DUSP15: variants seen among roughly 807,000 people sequenced by gnomAD.
DUSP15 encodes dual specificity phosphatase 15.
In DUSP15, 23 loss-of-function variants were observed where a neutral mutation model predicts 26.3. The ratio of observed to expected loss-of-function variants is 0.87; its 90% CI spans 0.63 to 1.24. The LOEUF is 1.24. Ranked by LOEUF, DUSP15 falls within the 50% of genes most tolerant of loss-of-function variation. The pLI is 0.00. For missense variants in DUSP15, 364 were observed against 320.6 expected (o/e 1.14, Z -1.03); for synonymous variants, 143 against 135.5 (o/e 1.06, Z -0.39).
At chr20:31,856,393 G>A (rs1272547031), downstream of DUSP15, among the ~76,000 whole-genome samples, 3 of 151,916 alleles carry the variant, frequency 2.0e-5, no homozygotes, top group Non-Finnish European at 4.4e-5. Flanking sequence ...GGGGAGGGTC[G>A]AGGCTAGATT....
chr20:31,849,508 C>A, intron 8 of DUSP15: 2 of 768,650 alleles, frequency 2.6e-6, no homozygotes, highest in South Asian at 1.4e-5. Context: ...GTTCCCACGC[C>A]ACTCTGTTCC....
chr20:31,849,454 C>A, intron 8 of DUSP15: 1 of 611,636 alleles, frequency 1.6e-6, no homozygotes, highest in South Asian at 1.7e-5. Flanking sequence ...TGTGCCCACT[C>A]TCCTCTGTTC....
chr20:31,857,140 G>A (rs1272530727), downstream of DUSP15, among the ~76,000 whole-genome samples: 1 of 152,030 alleles, frequency 6.6e-6, no homozygotes, highest in East Asian at 1.9e-4. Context: ...TGTGGAAGGA[G>A]GGGGAGGCCA....
chr20:31,869,495 A>G (rs368333665), intron 2 of DUSP15, 69 bp downstream of exon 2: 1 of 1,570,718 alleles, frequency 6.4e-7, no homozygotes, highest in Non-Finnish European at 8.7e-7. Flanking sequence ...GGGCCAGGGC[A>G]TGAATGGTGG....
chr20:31,854,995 C>T (rs983108063), intron 6 of DUSP15, among the ~76,000 whole-genome samples: 1 of 152,120 alleles, frequency 6.6e-6, no homozygotes, highest in Non-Finnish European at 1.5e-5. Context: ...ACACTGAACT[C>T]GCAACCAACA....
rs540649624 is a variant in DUSP15 at position 31,863,822 on chromosome 20, A to C, written c.263+85T>G. 5.8e-6 allele frequency: 8 copies of C among 1,388,282 alleles called. No individual in the cohort carries two copies. In the East Asian group the frequency reaches 1.4e-4, roughly 24 times the overall value. 86.0% of individuals were successfully genotyped at this position (1,388,282 alleles called of 1,614,324 possible). ...CTGGAGAAGATCCCTCACAGGTCCAACCTTCCCACAGGGGGAGTGTGTGTT... is the reference window on the plus strand; with the variant it reads ...CTGGAGAAGATCCCTCACAGGTCCACCCTTCCCACAGGGGGAGTGTGTGTT... On this transcript the variant is annotated intron_variant, in intron 5 of 6. Coordinates refer to ENST00000339738, the MANE Select transcript of DUSP15 (RefSeq NM_080611.5).
At chr20:31,855,695 C>T (rs2062549703) in intron 6 of DUSP15, among the ~76,000 whole-genome samples, 1 of 152,162 alleles carries the variant, frequency 6.6e-6, no homozygotes, top group Admixed American at 6.5e-5. Flanking sequence ...GCCATGCAAC[C>T]ACCCATTCAA....
rs552989314 is a variant in DUSP15, at chr20:31,865,602, T to C, written c.139-600A>G. ...CTTTTCTCGAGAAACTGTCTTAACA[T>C]TTTTATATTCAAATGGCTCTTTTCA... On this transcript the variant is annotated intron_variant, in intron 3 of 6. Coordinates refer to ENST00000339738, the MANE Select transcript of DUSP15 (RefSeq NM_080611.5). Among the ~76,000 whole-genome samples the C allele has an allele frequency of 3.9e-5, 6 of 152,320 alleles. No homozygotes were observed. In the South Asian group the frequency reaches 1.2e-3, roughly 32 times the overall value.
downstream of DUSP15, chr20:31,845,649 C>G (rs1568645581): frequency 7.2e-7 from 1 of 1,383,822 alleles, no homozygotes. Flanking sequence ...ACTGGCCCAG[C>G]CTCCCAGCCT....
chr20:31,862,806 C>T, intron 5 of DUSP15, 64 bp from the exon 6 acceptor site: 1 of 1,475,172 alleles, frequency 6.8e-7, no homozygotes, highest in Non-Finnish European at 9.1e-7. Context: ...CCCCCAGGCA[C>T]CCCACCCTGC....
intron 6 of DUSP15, among the ~76,000 whole-genome samples, chr20:31,852,728 T>C (rs923843640): frequency 6.6e-6 from 1 of 152,140 alleles, no homozygotes. Flanking sequence ...GGAGAATCGC[T>C]TGAACCTGGG....
At chr20:31,858,390 G>A (rs1378314331), downstream of DUSP15, among the ~76,000 whole-genome samples, 1 of 152,216 alleles carries the variant, frequency 6.6e-6, no homozygotes, top group Non-Finnish European at 1.5e-5. The surrounding 1 kb of genome is among the most constrained non-coding windows in gnomAD (Gnocchi z 4.4). Context: ...GGCTTGCAGT[G>A]GCTCAACCCA....
At position 31,861,568 on chromosome 20, in the gene DUSP15, G is replaced by A. The variant is rs1050849171; in HGVS notation, c.543C>T (p.Thr181=). 2 of 1,500,732 alleles carry A rather than the reference G, an allele frequency of 1.3e-6. No homozygotes were observed. Among genetic ancestry groups the A allele is most frequent in the Non-Finnish European group, 1.8e-6 (2 of 1,133,182 alleles). The allele number at this position is 1,500,732 out of a possible 1,614,324, so 93.0% of individuals were successfully genotyped here. A position where few individuals can be genotyped will look rare whatever the true frequency, so the allele number is the denominator to read the frequency against. The stretch of plus-strand genomic sequence containing the variant: ...AGTGCGGCCCGGCGGAGGAGGCCGA[G>A]GTCGCGGAGCCCTGCCGGCAGCGCT... The part of the protein sequence containing the change: ...LCKRCRQGSA[T]SASSAGPHSA... The change falls in exon 7 of 7, where the codon ACC becomes ACT. Residue 181 remains threonine, a synonymous_variant. Coordinates refer to ENST00000339738, the MANE Select transcript of DUSP15 (RefSeq NM_080611.5).
At chr20:31,867,467 T>C (rs1488902294) in intron 2 of DUSP15, among the ~76,000 whole-genome samples, 1 of 152,132 alleles carries the variant, frequency 6.6e-6, no homozygotes, top group Non-Finnish European at 1.5e-5. Flanking sequence ...GTGTGGAGGA[T>C]GATGTTCTCT....
chr20:31,855,780 G>A (rs2062551209), intron 6 of DUSP15, among the ~76,000 whole-genome samples: 1 of 152,208 alleles, frequency 6.6e-6, no homozygotes, highest in South Asian at 2.1e-4. Flanking sequence ...TGGTCTGCTG[G>A]AGAAGACAAA....
chr20:31,855,978 G>A (rs2062554740), intron 6 of DUSP15, among the ~76,000 whole-genome samples: 1 of 152,156 alleles, frequency 6.6e-6, no homozygotes, highest in Admixed American at 6.5e-5. Flanking sequence ...GGGAACAGGT[G>A]GTATTTGGTT....
At chr20:31,869,935 G>A in intron 1 of DUSP15, 6 of 1,356,644 alleles carry the variant, frequency 4.4e-6, no homozygotes, top group Non-Finnish European at 5.7e-6. Context: ...GGCTGGGGAG[G>A]CAGAAAGGCA....
chr20:31,864,179 C>T (rs1278319977), intron 4 of DUSP15, 198 bp from the exon 5 acceptor site: 4 of 1,386,848 alleles, frequency 2.9e-6, no homozygotes, highest in Non-Finnish European at 3.8e-6. Context: ...GGTGGCATTT[C>T]AGGCAGTGAG....
At chr20:31,857,867 G>A (rs552383441), downstream of DUSP15, among the ~76,000 whole-genome samples, 319 of 152,310 alleles carry the variant, frequency 2.1e-3, 1 homozygote, top group African/African-American at 7.4e-3. Flanking sequence ...AGGTTGATGG[G>A]TTTAGGGGTG....
Sources: gnomAD v4.1 joint callset for allele counts (sites outside exome capture counted in the v4.1 genomes callset) on GRCh38, gnomAD v4.1.1 for gene constraint, Gnocchi (gnomAD v3.1) non-coding constraint, MANE v1.5 for transcripts, NCBI Gene and HGNC (gene_info 2026-07-23, HGNC 2026-07-21) for gene names.